CDC42BPB: variants seen among roughly 807,000 people sequenced by gnomAD.
CDC42BPB encodes serine/threonine-protein kinase MRCK beta.
Under a neutral mutation model 214.9 loss-of-function variants are expected in CDC42BPB, and 37 were observed. The ratio of observed to expected loss-of-function variants is 0.17; its 90% confidence interval spans 0.13 to 0.23. The LOEUF (loss-of-function observed/expected upper bound fraction) is 0.23. CDC42BPB is among the 10% of genes least tolerant of loss of function. The pLI, the probability that CDC42BPB is intolerant of heterozygous loss-of-function variation, is 1.00. For missense variants in CDC42BPB, 1,694 were observed against 2,227.0 expected (o/e 0.76, Z 4.82); for synonymous variants, 931 against 884.0 (o/e 1.05, Z -0.94).
Position 102,943,652 on chromosome 14 carries a change from TG to T in CDC42BPB, c.4408+238del, listed in dbSNP as rs1483808201. Among the ~76,000 whole-genome samples, 1 of 152,198 alleles carries T rather than the reference TG, an allele frequency of 6.6e-6. No homozygotes were observed. Among genetic ancestry groups the T allele is most frequent in the African/African-American group, 2.4e-5 (1 of 41,462 alleles). On this transcript the variant is annotated intron_variant, in intron 30 of 36. Coordinates refer to ENST00000361246, the MANE Select transcript of CDC42BPB (RefSeq NM_006035.4). The surrounding 1 kb of genome is among the most constrained non-coding windows in gnomAD (Gnocchi z 4.6). ...CGACGGGGTCCTCTGCTGAGGCCTC[TG>T]GAAGAACCGGCCCCATGTGCTCAGG...
Position 102,944,908 on chromosome 14 carries a change from C to G in CDC42BPB, c.3812-421G>C, listed in dbSNP as rs1892082329. 6.6e-6 allele frequency among the ~76,000 whole-genome samples: 1 copy of G among 152,196 alleles called. No individual in the cohort carries two copies. The highest frequency in any genetic ancestry group is 1.5e-5 in the Non-Finnish European group (1 of 68,020). Reference sequence around the variant, plus strand: ...GCACATGAGGGACAAAGAGCTGTCCCCAACCCACTGGGACCCTGAGACAAA... The same window carrying G: ...GCACATGAGGGACAAAGAGCTGTCCGCAACCCACTGGGACCCTGAGACAAA... On this transcript the variant is annotated intron_variant, in intron 29 of 36. Transcript: ENST00000361246. The surrounding 1 kb of genome is among the most constrained non-coding windows in gnomAD (Gnocchi z 6.6).
At chr14:102,964,927 CTTTT>C (rs926008057) in intron 18 of CDC42BPB, 8 of 297,988 alleles carry the variant, frequency 2.7e-5, no homozygotes, top group Non-Finnish European at 3.4e-5. Context: ...CTTTTCTTTT[CTTTT>C]TTTTTTTGTT....
intron 25 of CDC42BPB, 191 bp from the exon 26 acceptor site, chr14:102,950,095 G>A: frequency 1.0e-6 from 1 of 985,396 alleles, no homozygotes; most frequent in Non-Finnish European, 1.2e-6. Flanking sequence ...ACGGTGCCAG[G>A]GAAAGCTGGC....
At chr14:102,974,193 A>G in intron 11 of CDC42BPB, 44 bp from the exon 12 acceptor site, 1 of 1,601,088 alleles carries the variant, frequency 6.2e-7, no homozygotes, top group Non-Finnish European at 8.5e-7. Flanking sequence ...ATGTGCAATG[A>G]CTATATGTAA....
chr14:102,943,232 GCA>G lies in CDC42BPB; in HGVS notation c.4408+657_4408+658del, dbSNP rs1211303426. 6.6e-6 allele frequency among the ~76,000 whole-genome samples: 1 copy of G among 152,006 alleles called. No homozygotes were observed. The highest frequency in any genetic ancestry group is 6.6e-5 in the Admixed American group (1 of 15,256). ...CAAGTGAGCCTCCTGCCTCAGTCTC[GCA>G]CAGTGCTGGGATTACAGGTGTGAGC... On this transcript the variant is annotated intron_variant, in intron 30 of 36. Coordinates refer to ENST00000361246, the MANE Select transcript of CDC42BPB (RefSeq NM_006035.4). This position sits in a 1 kb window ranked among gnomAD's most constrained non-coding sequence, Gnocchi z 4.6.
chr14:102,980,564 T>C (rs1595490142), intron 8 of CDC42BPB, among the ~76,000 whole-genome samples: 1 of 152,282 alleles, frequency 6.6e-6, no homozygotes, highest in Middle Eastern at 3.4e-3. Context: ...AAATGAGCTG[T>C]TTAACTGAAT....
At chr14:102,945,577 C>G (rs1182197004) in intron 29 of CDC42BPB, 85 bp downstream of exon 29, 4 of 1,254,046 alleles carry the variant, frequency 3.2e-6, no homozygotes, top group Non-Finnish European at 4.6e-6. Context: ...TTGTCTTAAC[C>G]CTTAGGAGCT....
intron 3 of CDC42BPB, among the ~76,000 whole-genome samples, chr14:103,006,122 A>T (rs1885803914): frequency 6.6e-6 from 1 of 152,156 alleles, no homozygotes; most frequent in Non-Finnish European, 1.5e-5. Flanking sequence ...AGACATGCAG[A>T]GACCAGCAAT....
In CDC42BPB at chr14:102,967,131, G is replaced by A; in HGVS notation, c.2386C>T (p.Gln796Ter). The A allele has an allele frequency of 6.2e-7, 1 of 1,614,202 alleles. No individual in the cohort carries two copies. Residue 796 changes from glutamine (Q) to a stop codon, truncating the protein, a stop_gained, in exon 17 of 37, where the codon CAG (glutamine) becomes TAG (stop). Transcript: ENST00000361246. LOFTEE classifies it high-confidence loss of function. The stretch of plus-strand genomic sequence containing the variant: ...AGATCCTGCAGCTCATCCTCCAGCT[G>A]TCTATTTTGAGCTGTGAGTTTATCC... The part of the protein sequence containing the change: ...FVDKLTAQNR[Q>*]LEDELQDLAA...
At chr14:102,950,679 GGCA>G in intron 24 of CDC42BPB, 77 bp from the exon 25 acceptor site, 1 of 1,406,328 alleles carries the variant, frequency 7.1e-7, no homozygotes, top group South Asian at 1.6e-5. Context: ...GCCCTGAGGA[GGCA>G]ATTTAATAAT....
chr14:102,976,172 A>C, intron 9 of CDC42BPB, 123 bp from the exon 10 acceptor site: 1 of 1,480,530 alleles, frequency 6.8e-7, no homozygotes, highest in Non-Finnish European at 8.9e-7. Context: ...ACCTGAGATA[A>C]GACTTTATGG....
In CDC42BPB at chr14:102,980,918, C is replaced by G. The variant is rs1212092841; in HGVS notation, c.995G>C (p.Gly332Ala). 1 of 1,614,072 alleles carries G rather than the reference C, an allele frequency of 6.2e-7. No individual in the cohort carries two copies. The highest frequency in any genetic ancestry group is 8.5e-7 in the Non-Finnish European group (1 of 1,180,040). Residue 332 changes from glycine (G) to alanine (A), a missense_variant, in exon 8 of 37, where the codon GGA becomes GCA. Transcript: ENST00000361246. ...CSRERRLGQN[G>A]IEDFKKHAFF... The stretch of plus-strand genomic sequence containing the variant: ...CGCATGCTTTTTGAAATCCTCTATT[C>G]CATTCTGCCCCAGCCGGCGTTCTCT...
chr14:103,052,909 A>G lies in CDC42BPB; in HGVS notation c.175+4090T>C, dbSNP rs112880483. Among the ~76,000 whole-genome samples, 730 of 152,340 alleles carry G rather than the reference A, an allele frequency of 4.8e-3. 9 individuals carry two copies. Among genetic ancestry groups the G allele is most frequent in the African/African-American group, 0.017 (686 of 41,566 alleles). On this transcript the variant is annotated intron_variant, in intron 1 of 36. Coordinates refer to ENST00000361246, the MANE Select transcript of CDC42BPB (RefSeq NM_006035.4). Reference sequence around the variant, plus strand: ...GGGAAAAATATTTAACACATAAGACAGTATTTGTATATGACAAAGATGAAA... The same window carrying G: ...GGGAAAAATATTTAACACATAAGACGGTATTTGTATATGACAAAGATGAAA...
chr14:102,995,450 C>T (rs1259311653), intron 5 of CDC42BPB, among the ~76,000 whole-genome samples: 1 of 152,284 alleles, frequency 6.6e-6, no homozygotes, highest in African/African-American at 2.4e-5. Flanking sequence ...GCTGGGATTA[C>T]AGGCGTGAGC....
chr14:102,952,556 C>T lies in CDC42BPB; in HGVS notation c.3114G>A (p.Gln1038=), dbSNP rs1328774551. The T allele has an allele frequency of 4.3e-6, 7 of 1,613,952 alleles. No homozygotes were observed. Among genetic ancestry groups the T allele is most frequent in the Non-Finnish European group, 5.1e-6 (6 of 1,180,006 alleles). The change falls in exon 24 of 37, where the codon CAG becomes CAA. Residue 1038 remains glutamine, a synonymous_variant. Coordinates refer to ENST00000361246, the MANE Select transcript of CDC42BPB (RefSeq NM_006035.4). ...CCATCAGGGAGGTGCAGTGGCTGCACTGAGTAGGGCTGGAGAAGGACTTGA... is the reference window on the plus strand; with the variant it reads ...CCATCAGGGAGGTGCAGTGGCTGCATTGAGTAGGGCTGGAGAAGGACTTGA... ...FSIKSFSSPT[Q]CSHCTSLMVG...
At chr14:103,003,853 TG>T (rs1390339666) in intron 4 of CDC42BPB, 74 bp downstream of exon 4, 2 of 1,228,192 alleles carry the variant, frequency 1.6e-6, no homozygotes, top group African/African-American at 3.0e-5. Context: ...ATTGTCTGAC[TG>T]AATTTTTAGT....
chr14:102,973,773 G>A lies in CDC42BPB; in HGVS notation c.1641+243C>T, dbSNP rs34994215. ...GCTGATTGCGAGGTGGATAACCGCTGGGGGCAAGGGGGTGGAAGGCACCTG... is the reference window on the plus strand; with the variant it reads ...GCTGATTGCGAGGTGGATAACCGCTAGGGGCAAGGGGGTGGAAGGCACCTG... On this transcript the variant is annotated intron_variant, in intron 12 of 36. Transcript: ENST00000361246. Among the ~76,000 whole-genome samples the A allele has an allele frequency of 9.6e-4, 146 of 152,324 alleles. 1 individual carries two copies. In the East Asian group the frequency reaches 0.024, roughly 26 times the overall value.
intron 1 of CDC42BPB, among the ~76,000 whole-genome samples, chr14:103,035,261 C>T (rs531538825): frequency 9.0e-4 from 137 of 152,090 alleles, no homozygotes; most frequent in African/African-American, 3.2e-3. Context: ...TTCTCCTTGT[C>T]GGTCAGGCTG....
intron 34 of CDC42BPB, 45 bp downstream of exon 34, chr14:102,939,565 A>C: frequency 5.2e-6 from 7 of 1,343,968 alleles, no homozygotes; most frequent in Non-Finnish European, 6.4e-6. Context: ...AGCGGGGAGG[A>C]GGAGATGGGG....
Sources: gnomAD v4.1 joint callset for allele counts (sites outside exome capture counted in the v4.1 genomes callset) on GRCh38, gnomAD v4.1.1 for gene constraint, Gnocchi (gnomAD v3.1) non-coding constraint, MANE v1.5 for transcripts, NCBI Gene and HGNC (gene_info 2026-07-23, HGNC 2026-07-21) for gene names.